SH3RF3: variants seen among roughly 807,000 people sequenced by gnomAD.
SH3RF3 encodes the protein E3 ubiquitin-protein ligase SH3RF3.
SH3RF3 carries 29 observed loss-of-function variants against 66.3 expected under a neutral mutation model. The ratio of observed to expected loss-of-function variants is 0.44; its 90% CI spans 0.33 to 0.60. The LOEUF (loss-of-function observed/expected upper bound fraction) is 0.60. SH3RF3 is among the 20% of genes least tolerant of loss of function. The pLI is 0.04. For synonymous variants in SH3RF3, 583 were observed against 532.0 expected, an observed-to-expected ratio of 1.10 and a Z score of -1.32; for missense variants, 1,194 against 1,190.9, an observed-to-expected ratio of 1.00 and a Z score of -0.04.
At chr2:109,401,290 T>C (rs1676306970) in intron 4 of SH3RF3, among the ~76,000 whole-genome samples, 1 of 152,152 alleles carries the variant, frequency 6.6e-6, no homozygotes, top group Non-Finnish European at 1.5e-5. Flanking sequence ...CAAATTTGGC[T>C]CAAAGGGAAG....
intron 9 of SH3RF3, among the ~76,000 whole-genome samples, chr2:109,496,874 T>A (rs901438615): frequency 6.6e-6 from 1 of 152,118 alleles, no homozygotes; most frequent in African/African-American, 2.4e-5. Context: ...CCCTGTGTAA[T>A]CACAAAGGGT....
chr2:109,346,125 C>T (rs1406787335), intron 1 of SH3RF3, among the ~76,000 whole-genome samples: 1 of 152,186 alleles, frequency 6.6e-6, no homozygotes, highest in Non-Finnish European at 1.5e-5. Context: ...GCTCGTTACA[C>T]ACTATTGTGC....
rs148267583 is a variant in SH3RF3, at chr2:109,467,973, A to G, written c.2148+18484A>G. ...ATGCGGGCTGCTGGGTCAGAGGCAG[A>G]GAGACCCTGGAGGACCTCCTCAGAG... On this transcript the variant is annotated intron_variant, in intron 8 of 9. Coordinates refer to ENST00000309415, the MANE Select transcript of SH3RF3 (RefSeq NM_001099289.3). Among the ~76,000 whole-genome samples the G allele has an allele frequency of 2.1e-4, 32 of 152,388 alleles. No homozygotes were observed. In the East Asian group the frequency reaches 5.0e-3, roughly 24 times the overall value.
chr2:109,139,178 A>G (rs1180343679), intron 1 of SH3RF3, among the ~76,000 whole-genome samples: 3 of 152,174 alleles, frequency 2.0e-5, no homozygotes. Context: ...ATTGCATCCT[A>G]TTTTCTCTTC....
chr2:109,491,092 G>A (rs1019671797), intron 9 of SH3RF3, among the ~76,000 whole-genome samples, 156 bp downstream of exon 9: 1 of 152,242 alleles, frequency 6.6e-6, no homozygotes, highest in African/African-American at 2.4e-5. Flanking sequence ...AGCTTGGGTG[G>A]TGAGTGCTGG....
chr2:109,377,439 G>T (rs4074382), intron 3 of SH3RF3, among the ~76,000 whole-genome samples: 2 of 152,096 alleles, frequency 1.3e-5, no homozygotes, highest in Non-Finnish European at 2.9e-5. Flanking sequence ...CCTAGGATCC[G>T]GGGAAGAAGC....
In SH3RF3 at chr2:109,483,996, G is replaced by A. The variant is rs188779287; in HGVS notation, c.2149-6609G>A. On this transcript the variant is annotated intron_variant, in intron 8 of 9. Coordinates refer to ENST00000309415, the MANE Select transcript of SH3RF3 (RefSeq NM_001099289.3). ...TATCTCAGCTCCTTGGATGCTCCCA[G>A]CGTCCACCAGACAACCCCAGCCTCC... Among the ~76,000 whole-genome samples the A allele has an allele frequency of 4.4e-4, 67 of 151,444 alleles. 1 individual carries two copies. Among genetic ancestry groups the A allele is most frequent in the African/African-American group, 1.5e-3 (60 of 41,262 alleles).
intron 4 of SH3RF3, among the ~76,000 whole-genome samples, chr2:109,408,663 G>T (rs1325703198): frequency 6.6e-6 from 1 of 152,252 alleles, no homozygotes; most frequent in Non-Finnish European, 1.5e-5. Flanking sequence ...TCAGACAGAA[G>T]GATGGATAGA....
At chr2:109,264,092 C>T (rs1187874558) in intron 1 of SH3RF3, among the ~76,000 whole-genome samples, 2 of 152,254 alleles carry the variant, frequency 1.3e-5, no homozygotes, top group East Asian at 3.9e-4. Context: ...AGCTACAGAT[C>T]TCAGTCTGTG....
chr2:109,501,614 C>T lies in SH3RF3; in HGVS notation c.2592C>T (p.Thr864=), dbSNP rs1380624194. ...KKREDGWYKG[T]LQRNGRTGLF... is the part of the protein sequence containing the mutation. Reference sequence around the variant, plus strand: ...GTGAGGACGGCTGGTACAAGGGGACCCTGCAGCGGAACGGCCGCACAGGCC... The same window carrying T: ...GTGAGGACGGCTGGTACAAGGGGACTCTGCAGCGGAACGGCCGCACAGGCC... The change falls in exon 10 of 10, where the codon ACC becomes ACT. Residue 864 remains threonine (T), a synonymous_variant. Transcript: ENST00000309415. The T allele has an allele frequency of 1.3e-6, 1 of 778,994 alleles. No homozygotes were observed. Among genetic ancestry groups the T allele is most frequent in the South Asian group, 1.4e-5 (1 of 74,038 alleles). 48.3% of individuals were successfully genotyped at this position (778,994 alleles called of 1,614,324 possible).
At chr2:109,149,407 C>T (rs537340115) in intron 1 of SH3RF3, among the ~76,000 whole-genome samples, 5 of 152,328 alleles carry the variant, frequency 3.3e-5, no homozygotes, top group Non-Finnish European at 5.9e-5. Flanking sequence ...TATTAATATT[C>T]ACATTGACAG....
intron 5 of SH3RF3, among the ~76,000 whole-genome samples, chr2:109,428,023 G>T (rs1480885239): frequency 6.6e-6 from 1 of 152,192 alleles, no homozygotes; most frequent in Non-Finnish European, 1.5e-5. Context: ...GACTTACCCA[G>T]CCCTCCCCAG....
intron 1 of SH3RF3, among the ~76,000 whole-genome samples, chr2:109,298,700 G>A (rs941807955): frequency 6.6e-6 from 1 of 151,942 alleles, no homozygotes; most frequent in Non-Finnish European, 1.5e-5. Context: ...GTCCAGGTCC[G>A]TTTCCCCACA....
intron 8 of SH3RF3, among the ~76,000 whole-genome samples, chr2:109,484,998 C>T (rs1004214697): frequency 6.6e-6 from 1 of 152,196 alleles, no homozygotes; most frequent in African/African-American, 2.4e-5. Flanking sequence ...GAGTTTTTAC[C>T]TCCCCTTCTG....
chr2:109,155,098 C>G (rs1677309375), intron 1 of SH3RF3, among the ~76,000 whole-genome samples: 1 of 152,166 alleles, frequency 6.6e-6, no homozygotes, highest in South Asian at 2.1e-4. Flanking sequence ...GGCAAGGGTT[C>G]CATGAGCCAC....
intron 1 of SH3RF3, among the ~76,000 whole-genome samples, chr2:109,156,249 C>G (rs1347652890): frequency 6.6e-6 from 1 of 152,212 alleles, no homozygotes; most frequent in Non-Finnish European, 1.5e-5. Flanking sequence ...TGCCTTGGCT[C>G]ACACACAGTC....
At chr2:109,434,733 A>G (rs1306251365) in intron 6 of SH3RF3, among the ~76,000 whole-genome samples, 2 of 152,200 alleles carry the variant, frequency 1.3e-5, no homozygotes, top group South Asian at 2.1e-4. Flanking sequence ...GGCAAGTTCT[A>G]CAGGCATTCA....
At chr2:109,198,386 G>T (rs1240230345) in intron 1 of SH3RF3, among the ~76,000 whole-genome samples, 1 of 152,218 alleles carries the variant, frequency 6.6e-6, no homozygotes, top group Non-Finnish European at 1.5e-5. Flanking sequence ...AACTCAGTGA[G>T]CAAGGGGTGT....
At position 109,347,883 on chromosome 2, in the gene SH3RF3, A is replaced by G. The variant is rs1682752024; in HGVS notation, c.783A>G (p.Gly261=). The change falls in exon 2 of 10, where the codon GGA becomes GGG. Residue 261 remains glycine, a synonymous_variant. Transcript: ENST00000309415. ...IQPLPHAPPQ[G]KALYDFEMKD... Reference sequence around the variant, plus strand: ...CCTTGCCACACGCCCCGCCCCAGGGAAAAGCACTTTATGATTTCGAGATGA... The same window carrying G: ...CCTTGCCACACGCCCCGCCCCAGGGGAAAGCACTTTATGATTTCGAGATGA... The G allele has an allele frequency of 6.2e-7, 1 of 1,612,638 alleles. No homozygotes were observed. Among genetic ancestry groups the G allele is most frequent in the Non-Finnish European group, 8.5e-7 (1 of 1,179,410 alleles).
Sources: gnomAD v4.1 joint callset for allele counts (sites outside exome capture counted in the v4.1 genomes callset) on GRCh38, gnomAD v4.1.1 for gene constraint, MANE v1.5 for transcripts, NCBI Gene and HGNC (gene_info 2026-07-23, HGNC 2026-07-21) for gene names.